The following SLC16A9 variants were observed in gnomAD, a reference collection of about 807,000 sequenced individuals.
The protein encoded by SLC16A9 is monocarboxylate transporter 9.
A neutral mutation model predicts 44.3 loss-of-function variants in SLC16A9; 26 were observed. The ratio of observed to expected loss-of-function variants is 0.59; its 90% confidence interval spans 0.43 to 0.81. The LOEUF is 0.81. SLC16A9 is among the 40% of genes least tolerant of loss of function. SLC16A9 has a pLI of 0.00. For missense variants in SLC16A9, 559 were observed against 595.8 expected, an observed-to-expected ratio of 0.94 and a Z score of 0.64; for synonymous variants, 230 against 225.1, an observed-to-expected ratio of 1.02 and a Z score of -0.19.
At chr10:59,686,886 A>G (rs1336596279) in intron 1 of SLC16A9, among the ~76,000 whole-genome samples, 1 of 152,186 alleles carries the variant, frequency 6.6e-6, no homozygotes, top group South Asian at 2.1e-4. Flanking sequence ...TTTGGTTTCC[A>G]GTTGTACTGC....
At position 59,666,887 on chromosome 10, in the gene SLC16A9, A is replaced by C. The variant is rs1216122520; in HGVS notation, c.341-2565T>G. Among the ~76,000 whole-genome samples, 7 of 151,736 alleles carry C rather than the reference A, an allele frequency of 4.6e-5. 1 individual carries two copies. Among genetic ancestry groups the C allele is most frequent in the South Asian group, 2.1e-4 (1 of 4,822 alleles). ...ATTTTCCAGCAAAAAAAAAAAAAAA[A>C]AACACACAGAATTTTGGAAAACTTG... On this transcript the variant is annotated intron_variant, in intron 3 of 5. Coordinates refer to ENST00000395348, the MANE Select transcript of SLC16A9 (RefSeq NM_194298.3).
chr10:59,681,845 T>TATGTATATGTATATG (rs1564706259), intron 2 of SLC16A9, among the ~76,000 whole-genome samples: 32 of 57,948 alleles, frequency 5.5e-4, no homozygotes, highest in African/African-American at 1.2e-3. Context: ...ATATGATGTA[T>TATGTATATGTATATG]ATGTATATGT....
chr10:59,694,620 G>A, intron 1 of SLC16A9, among the ~76,000 whole-genome samples: 1 of 151,192 alleles, frequency 6.6e-6, no homozygotes, highest in African/African-American at 2.4e-5. Flanking sequence ...GGCCAACATA[G>A]TGAAACCCCA....
At chr10:59,691,123 T>G (rs949590517) in intron 1 of SLC16A9, among the ~76,000 whole-genome samples, 1 of 152,128 alleles carries the variant, frequency 6.6e-6, no homozygotes, top group Non-Finnish European at 1.5e-5. Flanking sequence ...TGAAACAAGA[T>G]CTGTAAGTAT....
chr10:59,698,353 T>C (rs1480673836), intron 1 of SLC16A9, among the ~76,000 whole-genome samples: 1 of 152,212 alleles, frequency 6.6e-6, no homozygotes, highest in Admixed American at 6.5e-5. Context: ...CTTCCTGACT[T>C]GCTGTATTTG....
chr10:59,709,307 C>T (rs1291309941), intron 1 of SLC16A9, among the ~76,000 whole-genome samples, 172 bp downstream of exon 1: 1 of 152,178 alleles, frequency 6.6e-6, no homozygotes, highest in Non-Finnish European at 1.5e-5. Context: ...GGCGGGCGCA[C>T]CGTGGACACT....
chr10:59,671,010 T>C (rs1187033054), intron 3 of SLC16A9, among the ~76,000 whole-genome samples: 1 of 152,218 alleles, frequency 6.6e-6, no homozygotes, highest in Non-Finnish European at 1.5e-5. Context: ...TTTATTGTTA[T>C]CTTGCTTGAC....
chr10:59,684,589 A>G (rs1003490010), intron 1 of SLC16A9, among the ~76,000 whole-genome samples: 1 of 152,106 alleles, frequency 6.6e-6, no homozygotes, highest in Non-Finnish European at 1.5e-5. Context: ...AACCTTGTCC[A>G]CCTTCACCAG....
At chr10:59,706,655 T>C (rs142391817) in intron 1 of SLC16A9, among the ~76,000 whole-genome samples, 1 of 25,652 alleles carries the variant, frequency 3.9e-5, no homozygotes, top group Admixed American at 4.0e-4. Flanking sequence ...ACACACACAA[T>C]AGGAGACTAA....
intron 4 of SLC16A9, among the ~76,000 whole-genome samples, chr10:59,656,599 C>A (rs997107784): frequency 2.0e-5 from 3 of 152,002 alleles, no homozygotes; most frequent in African/African-American, 7.3e-5. Context: ...TTTTTTTCCC[C>A]CAGGGTATTG....
intron 4 of SLC16A9, among the ~76,000 whole-genome samples, chr10:59,660,142 A>T (rs1356889468): frequency 2.0e-5 from 3 of 152,204 alleles, no homozygotes; most frequent in African/African-American, 7.2e-5. Flanking sequence ...ACAAGAAATA[A>T]CTAAGATCAG....
intron 1 of SLC16A9, among the ~76,000 whole-genome samples, chr10:59,697,939 A>C (rs948408497): frequency 1.7e-4 from 25 of 149,392 alleles, no homozygotes; most frequent in African/African-American, 6.1e-4. Flanking sequence ...TTGCAAATTC[A>C]AAGCTCACTG....
At chr10:59,699,691 T>TTTTTC (rs1564713966) in intron 1 of SLC16A9, among the ~76,000 whole-genome samples, 1 of 101,196 alleles carries the variant, frequency 9.9e-6, no homozygotes, top group Non-Finnish European at 2.4e-5. Context: ...AGTATCACTC[T>TTTTTC]TTTTTTTTTT....
rs751711598 is a variant in SLC16A9, at chr10:59,663,097, C to T, written c.436+1130G>A. On this transcript the variant is annotated intron_variant, in intron 4 of 5. Coordinates refer to ENST00000395348, the MANE Select transcript of SLC16A9 (RefSeq NM_194298.3). ...TGTATAGGCCAGGCATGGTGGCTCACGCCTGTAATCCCAGCACTTTGGGAG... is the reference window on the plus strand; with the variant it reads ...TGTATAGGCCAGGCATGGTGGCTCATGCCTGTAATCCCAGCACTTTGGGAG... Among the ~76,000 whole-genome samples the T allele has an allele frequency of 6.6e-5, 10 of 152,194 alleles. No individual in the cohort carries two copies. The East Asian group carries it at 1.7e-3, about 26-fold the overall frequency.
Position 59,652,552 on chromosome 10 carries a change from G to C in SLC16A9, c.*220C>G. The C allele has an allele frequency of 2.4e-6, 1 of 416,592 alleles. No homozygotes were observed. Among genetic ancestry groups the C allele is most frequent in the Non-Finnish European group, 4.2e-6 (1 of 237,864 alleles). 25.8% of individuals were successfully genotyped at this position (416,592 alleles called of 1,614,324 possible). A position where few individuals can be genotyped will look rare whatever the true frequency, so the allele number is the denominator to read the frequency against. On this transcript the variant is annotated 3_prime_UTR_variant, in exon 6 of 6. Coordinates refer to ENST00000395348, the MANE Select transcript of SLC16A9 (RefSeq NM_194298.3). ...AGCAAAACAGAATAGTCCCATTGATGGTGTGGGGAGGAGAAATAGAAAAAA... is the reference window on the plus strand; with the variant it reads ...AGCAAAACAGAATAGTCCCATTGATCGTGTGGGGAGGAGAAATAGAAAAAA...
At chr10:59,690,280 G>A (rs958325728) in intron 1 of SLC16A9, among the ~76,000 whole-genome samples, 1 of 152,216 alleles carries the variant, frequency 6.6e-6, no homozygotes, top group Admixed American at 6.5e-5. Flanking sequence ...AGGGAGACCA[G>A]AAGGCATATA....
In SLC16A9 at chr10:59,654,246, T is replaced by C; in HGVS notation, c.780A>G (p.Thr260=). The C allele has an allele frequency of 6.2e-7, 1 of 1,614,216 alleles. No homozygotes were observed. The highest frequency in any genetic ancestry group is 2.2e-5 in the East Asian group (1 of 44,882). ...TGTACGTTTCAGGCTCTTTTGTGTGTGTCACTGTGGGGTTTTTATGAAGTA... is the reference window on the plus strand; with the variant it reads ...TGTACGTTTCAGGCTCTTTTGTGTGCGTCACTGTGGGGTTTTTATGAAGTA... The part of the protein sequence containing the change: ...DSLLHKNPTV[T]HTKEPETYKK... Residue 260 remains threonine, a synonymous_variant, in exon 5 of 6, where the codon ACA becomes ACG. Transcript: ENST00000395348.
chr10:59,660,786 G>A (rs141318222), intron 4 of SLC16A9, among the ~76,000 whole-genome samples: 1,578 of 152,140 alleles, frequency 0.01, 26 homozygotes, highest in African/African-American at 0.033. Flanking sequence ...CCAGCAGCAC[G>A]TTAAAAAGCT....
chr10:59,660,434 T>C (rs1056782365), intron 4 of SLC16A9, among the ~76,000 whole-genome samples: 1 of 152,012 alleles, frequency 6.6e-6, no homozygotes, highest in African/African-American at 2.4e-5. Context: ...ACACACACCC[T>C]CCCAAGACTA....
Sources: allele counts gnomAD v4.1 joint callset (sites outside exome capture counted in the v4.1 genomes callset), GRCh38; gene constraint gnomAD v4.1.1; transcripts MANE v1.5; gene names NCBI Gene and HGNC (gene_info 2026-07-23, HGNC 2026-07-21).